The following CLSTN1 variants were observed in gnomAD, a reference collection of about 807,000 sequenced individuals.
CLSTN1 encodes calsyntenin 1, also known as calsyntenin-1.
Under a neutral mutation model 108.3 loss-of-function variants are expected in CLSTN1, and 28 were observed. That is an observed-to-expected ratio of 0.26 (90% CI 0.19 to 0.35). The LOEUF (loss-of-function observed/expected upper bound fraction) is 0.35. Among genes scored for constraint, CLSTN1 ranks in the 10% least tolerant of loss-of-function variants. The probability of loss-of-function intolerance (pLI) is 1.00; values close to 1 mark genes in which losing one functional copy is unlikely to be tolerated. For synonymous variants in CLSTN1, 524 were observed against 534.9 expected, an observed-to-expected ratio of 0.98 and a Z score of 0.28; for missense variants, 1,157 against 1,302.6, an observed-to-expected ratio of 0.89 and a Z score of 1.72.
intron 7 of CLSTN1, among the ~76,000 whole-genome samples, chr1:9,747,688 G>A (rs1651347378): frequency 6.6e-6 from 1 of 151,836 alleles, no homozygotes; most frequent in African/African-American, 2.4e-5. Flanking sequence ...TAGAGCGGGG[G>A]TTTCATCATG....
intron 11 of CLSTN1, 91 bp downstream of exon 11, chr1:9,737,407 G>T: frequency 1.7e-6 from 2 of 1,194,632 alleles, no homozygotes; most frequent in Non-Finnish European, 2.5e-6. Flanking sequence ...GGACCAAAAT[G>T]CAACTGGGGC....
chr1:9,761,759 C>T (rs896241873), intron 2 of CLSTN1, among the ~76,000 whole-genome samples: 5 of 152,170 alleles, frequency 3.3e-5, no homozygotes, highest in African/African-American at 4.8e-5. Context: ...TCCCAGCTCT[C>T]AGGGGACCCT....
chr1:9,747,683 C>T (rs1458447056), intron 7 of CLSTN1, among the ~76,000 whole-genome samples: 2 of 151,692 alleles, frequency 1.3e-5, no homozygotes, highest in Non-Finnish European at 2.9e-5. Context: ...TTTAGTAGAG[C>T]GGGGGTTTCA....
intron 1 of CLSTN1, among the ~76,000 whole-genome samples, chr1:9,822,646 T>A (rs1655232737): frequency 2.0e-5 from 3 of 152,150 alleles, no homozygotes; most frequent in Non-Finnish European, 4.4e-5. Context: ...GATTTCAAGA[T>A]CCACTCAGAA....
rs57522417 is a variant in CLSTN1 at position 9,772,140 on chromosome 1, C to CT, written c.214+1131dup. ...TACAGGCGCCCACCACCACACCCGG[C>CT]TTTTTTTTTTTTTTTTTTTTTTTTT... On this transcript the variant is annotated intron_variant, in intron 2 of 18. Transcript: ENST00000377298. Among the ~76,000 whole-genome samples the CT allele has an allele frequency of 2.3e-4, 7 of 30,930 alleles. 1 individual carries two copies. Among genetic ancestry groups the CT allele is most frequent in the Non-Finnish European group, 2.7e-4 (5 of 18,466 alleles). 20.3% of individuals were successfully genotyped at this position (30,930 alleles called of 152,430 possible).
At chr1:9,799,458 G>A (rs865907406) in intron 1 of CLSTN1, among the ~76,000 whole-genome samples, 10 of 151,960 alleles carry the variant, frequency 6.6e-5, no homozygotes, top group Admixed American at 4.6e-4. Context: ...TGGCTAACAC[G>A]GTGAAACCCC....
chr1:9,734,102 C>CA lies in CLSTN1; in HGVS notation c.2150dup (p.Asp718GlyfsTer4). ...CCTCCACCGTGACCTCACAGGTATCCAGGTCGTGCACGATCTCCTCGGACA... is the reference window on the plus strand; with the variant it reads ...CCTCCACCGTGACCTCACAGGTATCCAAGGTCGTGCACGATCTCCTCGGACA... On this transcript the variant is annotated frameshift_variant, in exon 15 of 19. Coordinates refer to ENST00000377298, the MANE Select transcript of CLSTN1 (RefSeq NM_001009566.3). LOFTEE classifies it high-confidence loss of function. The surrounding 1 kb of genome is among the most constrained non-coding windows in gnomAD (Gnocchi z 4.8). 6.2e-7 allele frequency: 1 copy of CA among 1,614,182 alleles called. No individual in the cohort carries two copies.
intron 1 of CLSTN1, among the ~76,000 whole-genome samples, chr1:9,799,737 T>C (rs779699392): frequency 6.6e-6 from 1 of 151,132 alleles, no homozygotes; most frequent in Non-Finnish European, 1.5e-5. Flanking sequence ...GGTCAAGAGA[T>C]CCAGACCATC....
chr1:9,786,677 A>C (rs1653509597), intron 1 of CLSTN1, among the ~76,000 whole-genome samples: 1 of 149,122 alleles, frequency 6.7e-6, no homozygotes, highest in African/African-American at 2.5e-5. Context: ...AAAAAAACAA[A>C]GGTGAGAGCT....
chr1:9,782,511 C>T (rs1311615803), intron 1 of CLSTN1, among the ~76,000 whole-genome samples: 1 of 152,112 alleles, frequency 6.6e-6, no homozygotes, highest in African/African-American at 2.4e-5. Flanking sequence ...GGCAATCAAA[C>T]CTTCTACAAG....
intron 1 of CLSTN1, among the ~76,000 whole-genome samples, chr1:9,783,189 T>G (rs1357874360): frequency 2.0e-5 from 3 of 152,202 alleles, no homozygotes; most frequent in African/African-American, 7.2e-5. Context: ...GGTTCCCCAC[T>G]TACAGTGGCT....
At chr1:9,754,395 C>T (rs1427353132) in intron 4 of CLSTN1, among the ~76,000 whole-genome samples, 5 of 151,866 alleles carry the variant, frequency 3.3e-5, no homozygotes, top group East Asian at 1.9e-4. Flanking sequence ...CCCGTCTCTA[C>T]TAAAAATACA....
intron 9 of CLSTN1, among the ~76,000 whole-genome samples, chr1:9,743,370 A>G (rs776607833): frequency 2.6e-5 from 4 of 152,180 alleles, no homozygotes; most frequent in Non-Finnish European, 4.4e-5. Flanking sequence ...GGAGTTCAAG[A>G]CTAGCCTGGC....
intron 1 of CLSTN1, among the ~76,000 whole-genome samples, chr1:9,794,062 T>A (rs1653883536): frequency 6.6e-6 from 1 of 151,566 alleles, no homozygotes; most frequent in African/African-American, 2.4e-5. Flanking sequence ...TGGAGGGGGA[T>A]GCTAATGACC....
rs563447323 is a variant in CLSTN1 at position 9,760,321 on chromosome 1, T to C, written c.215-3811A>G. ...GTAGTTCAAGGTGGCAGGTGCAGTG[T>C]GGGCTTTGCAAAACTCAGGCAGACC... is the stretch of plus-strand genomic sequence containing the variant. On this transcript the variant is annotated intron_variant, in intron 2 of 18. Coordinates refer to ENST00000377298, the MANE Select transcript of CLSTN1 (RefSeq NM_001009566.3). 2.8e-4 allele frequency among the ~76,000 whole-genome samples: 43 copies of C among 152,274 alleles called. 1 individual carries two copies. Among genetic ancestry groups the C allele is most frequent in the Non-Finnish European group, 4.9e-4 (33 of 68,028 alleles).
intron 1 of CLSTN1, among the ~76,000 whole-genome samples, chr1:9,803,621 G>A (rs1654380384): frequency 6.6e-6 from 1 of 151,998 alleles, no homozygotes; most frequent in Non-Finnish European, 1.5e-5. Context: ...TGGCCAACAT[G>A]GTGAAATCCC....
At chr1:9,760,224 A>G (rs1652003988) in intron 2 of CLSTN1, among the ~76,000 whole-genome samples, 1 of 152,198 alleles carries the variant, frequency 6.6e-6, no homozygotes, top group African/African-American at 2.4e-5. Flanking sequence ...CAAATCCACC[A>G]GTACTTATTC....
At chr1:9,767,411 G>A (rs899683331) in intron 2 of CLSTN1, among the ~76,000 whole-genome samples, 2 of 152,098 alleles carry the variant, frequency 1.3e-5, no homozygotes, top group Non-Finnish European at 2.9e-5. Flanking sequence ...CAGGCATGGT[G>A]GCATGCACTT....
intron 1 of CLSTN1, among the ~76,000 whole-genome samples, chr1:9,774,427 G>A (rs1390781521): frequency 6.6e-6 from 1 of 152,048 alleles, no homozygotes; most frequent in African/African-American, 2.4e-5. Context: ...TGAGCCAGGT[G>A]TGGTGGCACA....
Sources: gnomAD v4.1 joint callset for allele counts (sites outside exome capture counted in the v4.1 genomes callset) on GRCh38, gnomAD v4.1.1 for gene constraint, Gnocchi (gnomAD v3.1) non-coding constraint, MANE v1.5 for transcripts, NCBI Gene and HGNC (gene_info 2026-07-23, HGNC 2026-07-21) for gene names.